BCR: variants seen among roughly 807,000 people sequenced by gnomAD.
The protein encoded by BCR is BCR activator of RhoGEF and GTPase.
Under a neutral mutation model 138.6 loss-of-function variants are expected in BCR, and 58 were observed. The observed-to-expected ratio is 0.42, with a 90% CI of 0.34 to 0.52. The LOEUF (loss-of-function observed/expected upper bound fraction) is 0.52. BCR is among the 20% of genes least tolerant of loss of function. The probability of loss-of-function intolerance (pLI) is 0.06; values close to 1 mark genes in which losing one functional copy is unlikely to be tolerated. For synonymous variants in BCR, 786 were observed against 730.1 expected, an observed-to-expected ratio of 1.08 and a Z score of -1.23; for missense variants, 1,599 against 1,727.2, an observed-to-expected ratio of 0.93 and a Z score of 1.32.
At chr22:23,279,625 C>T (rs1392643680) in intron 8 of BCR, among the ~76,000 whole-genome samples, 3 of 152,246 alleles carry the variant, frequency 2.0e-5, no homozygotes, top group Non-Finnish European at 4.4e-5. Flanking sequence ...TTGGTCTTCA[C>T]TTGGGCCGTC....
chr22:23,261,048 G>A lies in BCR; in HGVS notation c.1560G>A (p.Leu520=). The change falls in exon 3 of 23, where the codon CTG becomes CTA. Residue 520 remains leucine (L), a synonymous_variant. Transcript: ENST00000305877. The part of the protein sequence containing the change: ...EETYLSHLEA[L]LLPMKPLKAA... ...CTTACCTGAGCCACCTGGAGGCACT[G>A]CTGCTGGTGAGGAGGATTTAGGGAG... is the stretch of plus-strand genomic sequence containing the variant. The A allele has an allele frequency of 6.2e-7, 1 of 1,613,390 alleles. No homozygotes were observed. Among genetic ancestry groups the A allele is most frequent in the Non-Finnish European group, 8.5e-7 (1 of 1,179,752 alleles).
intron 16 of BCR, chr22:23,306,036 C>G (rs773514588): frequency 9.9e-5 from 15 of 152,258 alleles, no homozygotes; most frequent in Admixed American, 3.3e-4. Flanking sequence ...AGGCACAGGC[C>G]TCATTATCAT....
At chr22:23,237,986 C>T (rs1051953766) in intron 1 of BCR, among the ~76,000 whole-genome samples, 2 of 152,214 alleles carry the variant, frequency 1.3e-5, no homozygotes, top group African/African-American at 4.8e-5. Context: ...GTAATTATGA[C>T]AAGTGATGCT....
rs115276477 is a variant in BCR, at chr22:23,295,886, C to T, written c.3012+731C>T. On this transcript the variant is annotated intron_variant, in intron 16 of 22. Coordinates refer to ENST00000305877, the MANE Select transcript of BCR (RefSeq NM_004327.4). Reference sequence around the variant, plus strand: ...GCGCGGGGGTAGCTGAGAGGAAGCCCTGATCGTGCTTTCCTTATAGTGCAT... The same window carrying T: ...GCGCGGGGGTAGCTGAGAGGAAGCCTTGATCGTGCTTTCCTTATAGTGCAT... 2.9e-3 allele frequency among the ~76,000 whole-genome samples: 448 copies of T among 152,232 alleles called. 6 individuals are homozygous for T. The highest frequency in any genetic ancestry group is 0.01 in the African/African-American group (430 of 41,542).
chr22:23,235,739 G>C (rs1346306924), intron 1 of BCR, among the ~76,000 whole-genome samples: 1 of 152,204 alleles, frequency 6.6e-6, no homozygotes, highest in Non-Finnish European at 1.5e-5. Flanking sequence ...CTGGAGGCAG[G>C]AAGTCAGTAT....
chr22:23,273,010 A>T, intron 6 of BCR, 71 bp from the exon 7 acceptor site: 1 of 1,543,682 alleles, frequency 6.5e-7, no homozygotes, highest in South Asian at 1.1e-5. Flanking sequence ...TCACCCTTGC[A>T]CCGAGGGTGG....
chr22:23,308,518 G>C (rs2073972659), intron 16 of BCR, among the ~76,000 whole-genome samples: 1 of 152,096 alleles, frequency 6.6e-6, no homozygotes, highest in African/African-American at 2.4e-5. Flanking sequence ...TGTTAGCCAG[G>C]ATGGTCTCAA....
chr22:23,243,002 T>C (rs1465355517), intron 1 of BCR: 1 of 401,310 alleles, frequency 2.5e-6, no homozygotes, highest in Admixed American at 2.8e-5. Context: ...CTGTGTCTTC[T>C]GTCTCTTTAA....
chr22:23,217,401 C>G (rs1397072893), intron 1 of BCR, among the ~76,000 whole-genome samples: 1 of 152,208 alleles, frequency 6.6e-6, no homozygotes, highest in Non-Finnish European at 1.5e-5. Context: ...CCATGGGGTA[C>G]CTTCAAGCTC....
chr22:23,261,195 C>A, intron 3 of BCR, 141 bp downstream of exon 3: 1 of 1,214,964 alleles, frequency 8.2e-7, no homozygotes, highest in Non-Finnish European at 1.2e-6. Context: ...CAGTGGAAGA[C>A]TGAGTTGCCA....
Position 23,314,009 on chromosome 22 carries a change from C to T in BCR, c.3499C>T (p.Leu1167=), listed in dbSNP as rs767469720. The T allele has an allele frequency of 3.1e-6, 5 of 1,613,938 alleles. No individual in the cohort carries two copies. The highest frequency in any genetic ancestry group is 3.3e-5 in the Admixed American group (2 of 59,994). The change falls in exon 21 of 23, where the codon CTG becomes TTG. Residue 1167 remains leucine, a synonymous_variant. Coordinates refer to ENST00000305877, the MANE Select transcript of BCR (RefSeq NM_004327.4). The part of the protein sequence containing the change: ...PVAKESCMLN[L]LLSLPEANLL... ...TGCAAAGGAGAGCTGCATGCTCAAC[C>T]TGCTGCTGTCCCTGCCGGAGGCCAA... is the stretch of plus-strand genomic sequence containing the variant.
At position 23,272,960 on chromosome 22, in the gene BCR, G is replaced by T. The variant is rs2073526595; in HGVS notation, c.1922-121G>T. 2.9e-6 allele frequency: 3 copies of T among 1,039,804 alleles called. No individual in the cohort carries two copies. In the Admixed American group the frequency reaches 5.4e-5, roughly 19 times the overall value. The allele number at this position is 1,039,804 out of a possible 1,614,324, so 64.4% of individuals were successfully genotyped here. ...CTTGCCCTTGTCACTGCGCAGAGGGGAGATGGGGCCTGTGGAGGCTGGGGC... is the reference window on the plus strand; with the variant it reads ...CTTGCCCTTGTCACTGCGCAGAGGGTAGATGGGGCCTGTGGAGGCTGGGGC... On this transcript the variant is annotated intron_variant, in intron 6 of 22. Coordinates refer to ENST00000305877, the MANE Select transcript of BCR (RefSeq NM_004327.4).
At chr22:23,279,552 G>A (rs929385875) in intron 8 of BCR, among the ~76,000 whole-genome samples, 7 of 152,350 alleles carry the variant, frequency 4.6e-5, no homozygotes, top group East Asian at 1.9e-4. Flanking sequence ...GCAGGGTAGC[G>A]GGGGCTGAGG....
At position 23,300,348 on chromosome 22, in the gene BCR, C is replaced by A. The variant is rs751704569; in HGVS notation, c.3012+5193C>A. ...TGGTTTATTTCACTTAGCAGCATGT[C>A]CTCAAGGCTCACCCATGTTGTAGAA... On this transcript the variant is annotated intron_variant, in intron 16 of 22. Coordinates refer to ENST00000305877, the MANE Select transcript of BCR (RefSeq NM_004327.4). Among the ~76,000 whole-genome samples, 7 of 152,310 alleles carry A rather than the reference C, an allele frequency of 4.6e-5. No homozygotes were observed. In the South Asian group the frequency reaches 6.2e-4, roughly 14 times the overall value.
At chr22:23,227,532 TC>T (rs1407107599) in intron 1 of BCR, among the ~76,000 whole-genome samples, 3 of 152,192 alleles carry the variant, frequency 2.0e-5, no homozygotes, top group Non-Finnish European at 4.4e-5. Flanking sequence ...GCGTGAGAGA[TC>T]CCCATCTGGG....
chr22:23,273,277 G>A (rs2073530702), intron 7 of BCR, 144 bp downstream of exon 7: 3 of 909,672 alleles, frequency 3.3e-6, no homozygotes, highest in Non-Finnish European at 3.4e-6. Context: ...GCCTGGGGTG[G>A]TGTTGGACAT....
At chr22:23,198,502 T>A (rs2072509319) in intron 1 of BCR, 1 of 270,390 alleles carries the variant, frequency 3.7e-6, no homozygotes, top group South Asian at 3.1e-5. Flanking sequence ...TCCATGGGCC[T>A]GACATGTTGT....
At chr22:23,224,653 G>A (rs1474995997) in intron 1 of BCR, among the ~76,000 whole-genome samples, 1 of 152,162 alleles carries the variant, frequency 6.6e-6, no homozygotes, top group African/African-American at 2.4e-5. Flanking sequence ...AGGCCAAGGT[G>A]GGCGGATCAC....
At chr22:23,297,976 C>T (rs542955388) in intron 16 of BCR, among the ~76,000 whole-genome samples, 1 of 152,294 alleles carries the variant, frequency 6.6e-6, no homozygotes, top group South Asian at 2.1e-4. Context: ...CACCCCATCC[C>T]GGGGAAGAGG....
Sources: gnomAD v4.1 joint callset for allele counts (sites outside exome capture counted in the v4.1 genomes callset) on GRCh38, gnomAD v4.1.1 for gene constraint, MANE v1.5 for transcripts, NCBI Gene and HGNC (gene_info 2026-07-23, HGNC 2026-07-21) for gene names.